DEUP1: variants seen among roughly 807,000 people sequenced by gnomAD.
DEUP1 encodes deuterosome assembly protein 1, also known as coiled-coil domain containing 67.
DEUP1 carries 82 observed loss-of-function variants against 87.4 expected under a neutral mutation model. That is an observed-to-expected ratio of 0.94 (90% CI 0.78 to 1.13). DEUP1 has a LOEUF of 1.13. DEUP1 is among the 50% of genes most tolerant of loss of function. The pLI, the probability that DEUP1 is intolerant of heterozygous loss-of-function variation, is 0.00. For missense variants in DEUP1, 663 were observed against 681.5 expected, an observed-to-expected ratio of 0.97 and a Z score of 0.30; for synonymous variants, 214 against 222.7, an observed-to-expected ratio of 0.96 and a Z score of 0.35.
chr11:93,435,748 G>A (rs540135262), intron 13 of DEUP1, among the ~76,000 whole-genome samples: 4 of 152,264 alleles, frequency 2.6e-5, no homozygotes, highest in Middle Eastern at 3.4e-3. Context: ...TGTAATCCCA[G>A]CACTTTGGGA....
intron 8 of DEUP1, among the ~76,000 whole-genome samples, chr11:93,387,932 G>A (rs902081904): frequency 6.6e-6 from 1 of 151,738 alleles, no homozygotes; most frequent in African/African-American, 2.4e-5. Context: ...ATATGCATAG[G>A]GAAAAATATA....
chr11:93,414,415 G>A (rs1591250810), intron 12 of DEUP1, among the ~76,000 whole-genome samples: 2 of 152,172 alleles, frequency 1.3e-5, no homozygotes, highest in Middle Eastern at 3.4e-3. Flanking sequence ...CAGGAGACAG[G>A]AGAGTCTCTT....
At chr11:93,331,347 ATT>A (rs990253850) in intron 1 of DEUP1, among the ~76,000 whole-genome samples, 46 of 149,474 alleles carry the variant, frequency 3.1e-4, no homozygotes, top group African/African-American at 1.1e-3. Flanking sequence ...TTTAACTAAA[ATT>A]GTGTTACTGA....
chr11:93,428,586 A>C (rs1344555795), intron 13 of DEUP1, among the ~76,000 whole-genome samples: 1 of 152,188 alleles, frequency 6.6e-6, no homozygotes, highest in East Asian at 1.9e-4. Context: ...CCTAAAACTT[A>C]AAGTATAATA....
At chr11:93,417,676 A>T (rs1218862531) in intron 13 of DEUP1, among the ~76,000 whole-genome samples, 1 of 147,218 alleles carries the variant, frequency 6.8e-6, no homozygotes, top group African/African-American at 2.6e-5. Context: ...ATTGTAAAAA[A>T]CTACTTTAAA....
chr11:93,360,035 A>G (rs1215781749), intron 4 of DEUP1, among the ~76,000 whole-genome samples: 1 of 152,176 alleles, frequency 6.6e-6, no homozygotes, highest in East Asian at 1.9e-4. Flanking sequence ...GGGTGGTATC[A>G]TAGGAAGGCT....
At position 93,408,413 on chromosome 11, in the gene DEUP1, AC is replaced by A. The variant is rs754307711; in HGVS notation, c.1510del (p.Gln504LysfsTer30). ...YAYQSQIKVE[Q>X]NEERLSHDCE... Reference sequence around the variant, plus strand: ...CCTATCAAAGCCAAATAAAAGTGGAACAAAATGAAGAGAGGTATGCTGGCTC... The same window carrying A: ...CCTATCAAAGCCAAATAAAAGTGGAAAAAATGAAGAGAGGTATGCTGGCTC... On this transcript the variant is annotated frameshift_variant, in exon 12 of 14. Transcript: ENST00000298050. LOFTEE classifies it high-confidence loss of function. 8.4e-6 allele frequency: 13 copies of A among 1,552,532 alleles called. No homozygotes were observed. Among genetic ancestry groups the A allele is most frequent in the East Asian group, 2.4e-5 (1 of 42,080 alleles).
At chr11:93,437,427 C>A (rs1233947855) in intron 13 of DEUP1, 116 bp from the exon 14 acceptor site, 2 of 729,146 alleles carry the variant, frequency 2.7e-6, no homozygotes, top group South Asian at 2.0e-5. Flanking sequence ...AGGATGTATT[C>A]TTTCATTAAG....
rs182950707 is a variant in DEUP1 at position 93,383,530 on chromosome 11, G to C, written c.790-1868G>C. On this transcript the variant is annotated intron_variant, in intron 7 of 13. Transcript: ENST00000298050. ...CCTTTGGGGATGATGAAAATGCTCTGGAATAAAGTAGTGGTGATGTTCAAC... is the reference window on the plus strand; with the variant it reads ...CCTTTGGGGATGATGAAAATGCTCTCGAATAAAGTAGTGGTGATGTTCAAC... The C allele has an allele frequency of 1.2e-3, 718 of 618,104 alleles. 2 individuals carry two copies. The African/African-American group carries it at 0.012, about 10-fold the overall frequency. 38.3% of individuals were successfully genotyped at this position (618,104 alleles called of 1,614,324 possible). A position where few individuals can be genotyped will look rare whatever the true frequency, so the allele number is the denominator to read the frequency against.
At chr11:93,399,731 A>C (rs982913116) in intron 11 of DEUP1, among the ~76,000 whole-genome samples, 2 of 151,872 alleles carry the variant, frequency 1.3e-5, no homozygotes, top group African/African-American at 4.8e-5. Flanking sequence ...TTTTTACTAG[A>C]GGTTTCTTAG....
chr11:93,391,132 CT>C (rs1356657437), intron 9 of DEUP1, among the ~76,000 whole-genome samples: 1 of 148,708 alleles, frequency 6.7e-6, no homozygotes, highest in African/African-American at 2.5e-5. Flanking sequence ...CATTTTAATT[CT>C]TTTGTAATAA....
intron 9 of DEUP1, among the ~76,000 whole-genome samples, chr11:93,392,760 C>G (rs1425615525): frequency 6.6e-6 from 1 of 151,982 alleles, no homozygotes; most frequent in Non-Finnish European, 1.5e-5. Flanking sequence ...TAAAAAAGTG[C>G]CCTGGAGAAA....
intron 11 of DEUP1, among the ~76,000 whole-genome samples, chr11:93,402,907 G>A (rs560097795): frequency 2.6e-5 from 4 of 151,796 alleles, no homozygotes; most frequent in Non-Finnish European, 4.4e-5. Flanking sequence ...GTTGGTTAAC[G>A]GGTACAAGTA....
intron 3 of DEUP1, among the ~76,000 whole-genome samples, chr11:93,356,354 C>A (rs988102318): frequency 6.6e-6 from 1 of 152,062 alleles, no homozygotes; most frequent in Non-Finnish European, 1.5e-5. Flanking sequence ...TTTTCCTTCA[C>A]AGTAGAGGTA....
At chr11:93,392,533 A>C (rs1376632279) in intron 9 of DEUP1, among the ~76,000 whole-genome samples, 1 of 152,236 alleles carries the variant, frequency 6.6e-6, no homozygotes, top group Non-Finnish European at 1.5e-5. Context: ...GATCATGTTT[A>C]GATACTAATT....
chr11:93,385,659 A>T, intron 8 of DEUP1, 116 bp downstream of exon 8: 1 of 675,744 alleles, frequency 1.5e-6, no homozygotes, highest in Non-Finnish European at 2.3e-6. Flanking sequence ...TTAACATGTT[A>T]ATTAGTGGGT....
intron 4 of DEUP1, among the ~76,000 whole-genome samples, chr11:93,362,551 C>G (rs185623148): frequency 5.3e-5 from 8 of 151,786 alleles, no homozygotes; most frequent in Non-Finnish European, 1.0e-4. Flanking sequence ...AAGAAAATAA[C>G]AAGTGTTGGA....
At chr11:93,330,472 T>A (rs1239817392), upstream of DEUP1, 1 of 152,450 alleles carries the variant, frequency 6.6e-6, no homozygotes, top group Non-Finnish European at 1.5e-5. Context: ...TCGCGCGGGG[T>A]GAGGTTGGAG....
At chr11:93,410,801 G>C (rs142187238) in intron 12 of DEUP1, among the ~76,000 whole-genome samples, 1 of 152,284 alleles carries the variant, frequency 6.6e-6, no homozygotes, top group African/African-American at 2.4e-5. Flanking sequence ...TACAGAATGT[G>C]TTAAAAGTAT....
Sources: allele counts gnomAD v4.1 joint callset (sites outside exome capture counted in the v4.1 genomes callset), GRCh38; gene constraint gnomAD v4.1.1; transcripts MANE v1.5; gene names NCBI Gene and HGNC (gene_info 2026-07-23, HGNC 2026-07-21).